PCDH1: variants seen among roughly 807,000 people sequenced by gnomAD.
PCDH1 encodes the protein protocadherin 1.
PCDH1 carries 23 observed loss-of-function variants against 74.6 expected under a neutral mutation model. The ratio of observed to expected loss-of-function variants is 0.31; its 90% CI spans 0.22 to 0.44. The LOEUF (loss-of-function observed/expected upper bound fraction) is 0.44, where lower values mean the gene tolerates loss of function less well. Ranked by LOEUF, PCDH1 falls within the 20% of genes least tolerant of loss-of-function variation. The pLI is 1.00. For missense variants in PCDH1, 1,214 were observed against 1,641.4 expected, an observed-to-expected ratio of 0.74 and a Z score of 4.50; for synonymous variants, 647 against 686.1, an observed-to-expected ratio of 0.94 and a Z score of 0.89.
chr5:141,855,528 C>G (rs1296949637), intron 4 of PCDH1, among the ~76,000 whole-genome samples: 1 of 152,142 alleles, frequency 6.6e-6, no homozygotes, highest in East Asian at 1.9e-4. Flanking sequence ...CACAAATCTA[C>G]TACAGTGGGC....
chr5:141,869,541 C>T lies in PCDH1; in HGVS notation c.41-110G>A, dbSNP rs1753032714. ...CCCTCTCCCACTGACACACGATTCT[C>T]CACAAGAGCAGTCAGTCCCAGCACA... On this transcript the variant is annotated intron_variant, in intron 1 of 4. Coordinates refer to ENST00000287008, the MANE Select transcript of PCDH1 (RefSeq NM_032420.5). This position sits in a 1 kb window ranked among gnomAD's most constrained non-coding sequence, Gnocchi z 4.9. 1 of 1,541,616 alleles carries T rather than the reference C, an allele frequency of 6.5e-7. No homozygotes were observed. The highest frequency in any genetic ancestry group is 8.7e-7 in the Non-Finnish European group (1 of 1,149,734).
chr5:141,878,144 G>A lies in PCDH1; in HGVS notation c.40+79C>T. On this transcript the variant is annotated intron_variant, in intron 1 of 4. Transcript: ENST00000287008. This position sits in a 1 kb window ranked among gnomAD's most constrained non-coding sequence, Gnocchi z 5.5. ...CCCCCGCGGCCTCGCTCCGCCGAGC[G>A]CCCCTCCCTCAGCTCCCGCCGGCCA... The A allele has an allele frequency of 5.4e-6, 7 of 1,303,636 alleles. No individual in the cohort carries two copies. The highest frequency in any genetic ancestry group is 7.0e-6 in the Non-Finnish European group (7 of 998,406). 80.8% of individuals were successfully genotyped at this position (1,303,636 alleles called of 1,614,324 possible).
At chr5:141,867,417 T>C (rs1229962555) in intron 2 of PCDH1, 2 of 345,108 alleles carry the variant, frequency 5.8e-6, no homozygotes, top group African/African-American at 4.4e-5. Context: ...CAGGCGAGTT[T>C]TCTAATCTGT....
At position 141,863,410 on chromosome 5, in the gene PCDH1, G is replaced by A. The variant is rs1288930806; in HGVS notation, c.2921C>T (p.Pro974Leu). 6.4e-7 allele frequency: 1 copy of A among 1,557,526 alleles called. No individual in the cohort carries two copies. The highest frequency in any genetic ancestry group is 8.7e-7 in the Non-Finnish European group (1 of 1,150,438). Residue 974 changes from proline (P) to leucine (L), a missense_variant, in exon 3 of 5, where the codon CCA becomes CTA. Physicochemically the swap from Pro to Leu is moderately conservative, Grantham distance 98. Around this residue, in one of 4 missense-constraint regions of PCDH1, gnomAD observed 836 missense variants for 1,182.2 expected, o/e 0.71. Transcript: ENST00000287008. This position sits in a 1 kb window ranked among gnomAD's most constrained non-coding sequence, Gnocchi z 7.5. ...DLGRHYRSNS[P>L]LPSIQLQPQS... ...GGGCTGCAGCTGGATGGAAGGCAGT[G>A]GGGAGTTAGAGCGATAGTGGCGGCC...
intron 3 of PCDH1, among the ~76,000 whole-genome samples, chr5:141,859,056 G>A (rs1253105819): frequency 6.6e-6 from 1 of 152,078 alleles, no homozygotes; most frequent in Admixed American, 6.5e-5. Context: ...TCCTTGTATT[G>A]ATCTAAAACA....
rs1220420609 is a variant in PCDH1 at position 141,864,240 on chromosome 5, A to G, written c.2091T>C (p.Ala697=). ...AVDGGVPPRS[A]YVGVTINVLD... Reference sequence around the variant, plus strand: ...GCACATTGATGGTGACACCAACGTAAGCTGAGCGAGGTGGGACGCCACCAT... The same window carrying G: ...GCACATTGATGGTGACACCAACGTAGGCTGAGCGAGGTGGGACGCCACCAT... The change falls in exon 3 of 5, where the codon GCT becomes GCC. Residue 697 remains alanine (A), a synonymous_variant. Coordinates refer to ENST00000287008, the MANE Select transcript of PCDH1 (RefSeq NM_032420.5). This position sits in a 1 kb window ranked among gnomAD's most constrained non-coding sequence, Gnocchi z 5.9. 1 of 1,610,064 alleles carries G rather than the reference A, an allele frequency of 6.2e-7. No homozygotes were observed. Among genetic ancestry groups the G allele is most frequent in the African/African-American group, 1.3e-5 (1 of 74,808 alleles).
Position 141,869,710 on chromosome 5 carries a change from C to T in PCDH1, c.41-279G>A, listed in dbSNP as rs967702856. The T allele has an allele frequency of 1.4e-5, 21 of 1,491,488 alleles. No individual in the cohort carries two copies. The highest frequency in any genetic ancestry group is 1.7e-4 in the Middle Eastern group (1 of 5,740). The allele number at this position is 1,491,488 out of a possible 1,614,324, so 92.4% of individuals were successfully genotyped here. A position where few individuals can be genotyped will look rare whatever the true frequency, so the allele number is the denominator to read the frequency against. The stretch of plus-strand genomic sequence containing the variant: ...CCATGGAACACCCTCACCCACCTGA[C>T]GCTCCCTGGGCCCAAGCCCGGCTGC... On this transcript the variant is annotated intron_variant, in intron 1 of 4. Coordinates refer to ENST00000287008, the MANE Select transcript of PCDH1 (RefSeq NM_032420.5). The surrounding 1 kb of genome is among the most constrained non-coding windows in gnomAD (Gnocchi z 4.9).
chr5:141,878,332 G>T lies in PCDH1; in HGVS notation c.-70C>A. 1 of 1,095,076 alleles carries T rather than the reference G, an allele frequency of 9.1e-7. No individual in the cohort carries two copies. The highest frequency in any genetic ancestry group is 1.1e-6 in the Non-Finnish European group (1 of 877,512). 67.8% of individuals were successfully genotyped at this position (1,095,076 alleles called of 1,614,324 possible). A position where few individuals can be genotyped will look rare whatever the true frequency, so the allele number is the denominator to read the frequency against. On this transcript the variant is annotated 5_prime_UTR_variant, in exon 1 of 5. Coordinates refer to ENST00000287008, the MANE Select transcript of PCDH1 (RefSeq NM_032420.5). The surrounding 1 kb of genome is among the most constrained non-coding windows in gnomAD (Gnocchi z 5.5). Reference sequence around the variant, plus strand: ...GGGCTGGAGCTGCAGTTCGGGCTCCGGCTCCGGCTCCGGCTGGCTCTGGGC... The same window carrying T: ...GGGCTGGAGCTGCAGTTCGGGCTCCTGCTCCGGCTCCGGCTGGCTCTGGGC...
At chr5:141,873,119 G>A (rs1302269519) in intron 1 of PCDH1, among the ~76,000 whole-genome samples, 1 of 152,012 alleles carries the variant, frequency 6.6e-6, no homozygotes, top group Non-Finnish European at 1.5e-5. Flanking sequence ...AAGAGCCTGA[G>A]GTCCTGCAAA....
At chr5:141,875,969 A>T (rs1754920045) in intron 1 of PCDH1, among the ~76,000 whole-genome samples, 1 of 152,088 alleles carries the variant, frequency 6.6e-6, no homozygotes, top group African/African-American at 2.4e-5. Context: ...GCAGCTCCCG[A>T]GGGTTGACCC....
chr5:141,857,229 C>T (rs1596545326), intron 4 of PCDH1, 23 bp downstream of exon 4: 2 of 1,528,566 alleles, frequency 1.3e-6, no homozygotes, highest in Non-Finnish European at 8.8e-7. Flanking sequence ...CTGGGGTGCC[C>T]TGACCATGGT....
At chr5:141,859,199 G>A (rs1469041090) in intron 3 of PCDH1, among the ~76,000 whole-genome samples, 1 of 152,072 alleles carries the variant, frequency 6.6e-6, no homozygotes, top group Non-Finnish European at 1.5e-5. Context: ...GGAGGCACAG[G>A]GCAACATGGT....
rs539395788 is a variant in PCDH1, at chr5:141,866,168, C to T, written c.904-741G>A. 7.4e-5 allele frequency: 73 copies of T among 985,486 alleles called. No individual in the cohort carries two copies. The East Asian group carries it at 1.6e-3, about 21-fold the overall frequency. 61.0% of individuals were successfully genotyped at this position (985,486 alleles called of 1,614,324 possible). On this transcript the variant is annotated intron_variant, in intron 2 of 4. Transcript: ENST00000287008. ...GCCCTCCAGGCCGGGCCCCAGCCAC[C>T]GCTCTGTCAAACCGGGGAAACCTGT... is the stretch of plus-strand genomic sequence containing the variant.
rs754599165 is a variant in PCDH1, at chr5:141,868,258, G to A, written c.903+311C>T. 9.2e-5 allele frequency among the ~76,000 whole-genome samples: 14 copies of A among 152,370 alleles called. No homozygotes were observed. The highest frequency in any genetic ancestry group is 1.8e-4 in the Non-Finnish European group (12 of 68,038). On this transcript the variant is annotated intron_variant, in intron 2 of 4. Coordinates refer to ENST00000287008, the MANE Select transcript of PCDH1 (RefSeq NM_032420.5). This position sits in a 1 kb window ranked among gnomAD's most constrained non-coding sequence, Gnocchi z 4.8. Reference sequence around the variant, plus strand: ...TCCAACTCAGCTCACCTGGCTAGCAGAGAAGGATCTACTTGACTAGGGCGG... The same window carrying A: ...TCCAACTCAGCTCACCTGGCTAGCAAAGAAGGATCTACTTGACTAGGGCGG...
Position 141,864,040 on chromosome 5 carries a change from A to T in PCDH1, c.2291T>A (p.Leu764His). The T allele has an allele frequency of 6.2e-7, 1 of 1,614,006 alleles. No homozygotes were observed. The highest frequency in any genetic ancestry group is 8.5e-7 in the Non-Finnish European group (1 of 1,179,982). ...YSIAGGNPYG[L>H]FQIGSHSGAI... is the part of the protein sequence containing the mutation. ...ACCTGAATGTGACCCAATCTGGAAG[A>T]GTCCATAAGGGTTGCCACCTGCAAT... Residue 764 changes from leucine (L) to histidine (H), a missense_variant, in exon 3 of 5, where the codon CTC becomes CAC. Physicochemically the swap from Leu to His is moderately conservative, Grantham distance 99 (BLOSUM62 -3). Transcript: ENST00000287008. This position sits in a 1 kb window ranked among gnomAD's most constrained non-coding sequence, Gnocchi z 5.9.
rs1752714647 is a variant in PCDH1 at position 141,864,308 on chromosome 5, G to A, written c.2023C>T (p.Arg675Ter). ...GTILSSLSFDREQQSTYTFQL... is the reference protein window; with the variant it reads ...GTILSSLSFD The stretch of plus-strand genomic sequence containing the variant: ...AAGGTGTAGGTGCTTTGTTGCTCTC[G>A]ATCAAAGCTCAGGCTGGATAGGATG... The change falls in exon 3 of 5, where the codon CGA becomes TGA. Residue 675 changes from arginine (R) to a stop codon, truncating the protein, a stop_gained. Transcript: ENST00000287008. LOFTEE classifies it high-confidence loss of function. This position sits in a 1 kb window ranked among gnomAD's most constrained non-coding sequence, Gnocchi z 5.9. 5.0e-6 allele frequency: 8 copies of A among 1,614,012 alleles called. No individual in the cohort carries two copies. The highest frequency in any genetic ancestry group is 6.8e-6 in the Non-Finnish European group (8 of 1,179,918).
At chr5:141,854,773 G>T (rs1407218255) in intron 4 of PCDH1, among the ~76,000 whole-genome samples, 1 of 152,018 alleles carries the variant, frequency 6.6e-6, no homozygotes, top group Non-Finnish European at 1.5e-5. Flanking sequence ...CCGGGTTCAA[G>T]CAATTCTTTT....
chr5:141,868,696 G>C lies in PCDH1; in HGVS notation c.776C>G (p.Pro259Arg). 4 of 1,613,820 alleles carry C rather than the reference G, an allele frequency of 2.5e-6. No homozygotes were observed. Among genetic ancestry groups the C allele is most frequent in the Non-Finnish European group, 3.4e-6 (4 of 1,179,816 alleles). ...ACGCAGCAGGGCACTGCTGGCGCGT[G>C]GGGGGCTGCCGCCATCCTGCACCTT... The part of the protein sequence containing the change: ...TIKVQDGGSP[P>R]RASSALLRVT... Residue 259 changes from proline to arginine, a missense_variant, in exon 2 of 5, where the codon CCA becomes CGA. Pro to Arg is a moderately radical substitution (Grantham distance 103, BLOSUM62 -2). Around this residue, in one of 4 missense-constraint regions of PCDH1, gnomAD observed 836 missense variants for 1,182.2 expected, o/e 0.71. Transcript: ENST00000287008. This position sits in a 1 kb window ranked among gnomAD's most constrained non-coding sequence, Gnocchi z 4.8.
rs1325252052 is a variant in PCDH1 at position 141,864,147 on chromosome 5, G to A, written c.2184C>T (p.Pro728=). The change falls in exon 3 of 5, where the codon CCC becomes CCT. Residue 728 remains proline, a synonymous_variant. Coordinates refer to ENST00000287008, the MANE Select transcript of PCDH1 (RefSeq NM_032420.5). The surrounding 1 kb of genome is among the most constrained non-coding windows in gnomAD (Gnocchi z 5.9). ...PSNTSHKLLT[P]QTRLGETVSQ... ...TGACCGTCTCACCAAGACGTGTCTG[G>A]GGGGTCAGCAGCTTGTGAGAGGTGT... is the stretch of plus-strand genomic sequence containing the variant. 1.9e-6 allele frequency: 3 copies of A among 1,608,618 alleles called. No homozygotes were observed. In the Admixed American group the frequency reaches 5.0e-5, roughly 27 times the overall value.
Sources: gnomAD v4.1 joint callset for allele counts (sites outside exome capture counted in the v4.1 genomes callset) on GRCh38, gnomAD v4.1.1 for gene constraint, gnomAD v4.1.1 regional missense constraint, Gnocchi (gnomAD v3.1) non-coding constraint, MANE v1.5 for transcripts, NCBI Gene and HGNC (gene_info 2026-07-23, HGNC 2026-07-21) for gene names.